MCF2L: variants seen among roughly 807,000 people sequenced by gnomAD.
The protein encoded by MCF2L is MCF.2 cell line derived transforming sequence like.
MCF2L carries 97 observed loss-of-function variants against 153.4 expected under a neutral mutation model. The ratio of observed to expected loss-of-function variants is 0.63; its 90% CI spans 0.54 to 0.75. The LOEUF (loss-of-function observed/expected upper bound fraction) is 0.75. MCF2L is among the 30% of genes least tolerant of loss of function. MCF2L has a pLI of 0.00. For missense variants in MCF2L, 1,347 were observed against 1,495.2 expected (o/e 0.90, Z 1.64); for synonymous variants, 659 against 632.2 (o/e 1.04, Z -0.64).
chr13:112,910,586 G>T (rs1376765821), intron 2 of MCF2L: 2 of 152,208 alleles, frequency 1.3e-5, no homozygotes, highest in Non-Finnish European at 2.9e-5. Context: ...AAAGACTTAA[G>T]ATATGCACCT....
At chr13:113,080,327 G>A (rs189417876) in intron 15 of MCF2L, among the ~76,000 whole-genome samples, 371 of 152,216 alleles carry the variant, frequency 2.4e-3, no homozygotes, top group African/African-American at 8.5e-3. Context: ...AGGGGCGTCC[G>A]CAGGGAGGAG....
At position 112,983,422 on chromosome 13, in the gene MCF2L, G is replaced by C. The variant is rs958940697; in HGVS notation, c.79+13964G>C. Among the ~76,000 whole-genome samples, 1 of 152,168 alleles carries C rather than the reference G, an allele frequency of 6.6e-6. No individual in the cohort carries two copies. The highest frequency in any genetic ancestry group is 2.4e-5 in the African/African-American group (1 of 41,436). On this transcript the variant is annotated intron_variant, in intron 1 of 29. Transcript: ENST00000535094. The surrounding 1 kb of genome is among the most constrained non-coding windows in gnomAD (Gnocchi z 4.0). Reference sequence around the variant, plus strand: ...AGGATGAGCCTCCTCCCTTCTATCCGGCAGGTGGCCTTCTCCAGGCATTGC... The same window carrying C: ...AGGATGAGCCTCCTCCCTTCTATCCCGCAGGTGGCCTTCTCCAGGCATTGC...
chr13:113,088,954 G>A (rs1404606472), intron 25 of MCF2L, among the ~76,000 whole-genome samples: 1 of 152,220 alleles, frequency 6.6e-6, no homozygotes, highest in East Asian at 1.9e-4. Context: ...GGCACTGATG[G>A]CCCAGCACAC....
upstream of MCF2L, chr13:112,968,772 C>T: frequency 7.4e-7 from 1 of 1,354,320 alleles, no homozygotes; most frequent in Non-Finnish European, 9.4e-7. Context: ...TCGCTCGGTC[C>T]ACTCGCGGCT....
chr13:112,939,962 C>A (rs1446881971), intron 2 of MCF2L, among the ~76,000 whole-genome samples: 2 of 145,760 alleles, frequency 1.4e-5, no homozygotes, highest in African/African-American at 5.1e-5. Context: ...TAGTGAGACT[C>A]CATCTCAAAA....
chr13:112,914,419 T>C (rs915515461), intron 2 of MCF2L, among the ~76,000 whole-genome samples: 9 of 152,188 alleles, frequency 5.9e-5, no homozygotes, highest in African/African-American at 1.9e-4. Context: ...TCTCTGCTGA[T>C]GGGCACTACT....
At chr13:112,996,658 T>C (rs3011529) in intron 1 of MCF2L, among the ~76,000 whole-genome samples, 143,420 of 152,248 alleles carry the variant, frequency 0.94, 67,762 homozygotes, top group Non-Finnish European at 0.98. Flanking sequence ...CCCGGGAATG[T>C]CCTTCTTGGA....
chr13:112,990,098 G>A (rs141577368), intron 1 of MCF2L, among the ~76,000 whole-genome samples: 18 of 152,282 alleles, frequency 1.2e-4, no homozygotes, highest in Middle Eastern at 6.8e-3. Context: ...CTCACCTGCC[G>A]CTCACTTCCT....
chr13:113,000,042 T>C (rs2083296816), intron 1 of MCF2L, among the ~76,000 whole-genome samples: 2 of 152,014 alleles, frequency 1.3e-5, no homozygotes, highest in East Asian at 3.9e-4. Flanking sequence ...AGGGCTGAGG[T>C]GCAGGTGGCA....
intron 1 of MCF2L, among the ~76,000 whole-genome samples, chr13:113,003,674 G>T (rs1248054874): frequency 6.6e-6 from 1 of 152,188 alleles, no homozygotes; most frequent in Non-Finnish European, 1.5e-5. Context: ...TCCGTGATCA[G>T]ACCCGGGACC....
At chr13:112,899,288 C>G (rs2081098176) in intron 1 of MCF2L, among the ~76,000 whole-genome samples, 3 of 152,216 alleles carry the variant, frequency 2.0e-5, no homozygotes, top group Admixed American at 1.3e-4. Flanking sequence ...GGGCCTGGCT[C>G]TCGGTCCAGC....
chr13:112,939,211 G>T (rs2081551103), intron 2 of MCF2L, among the ~76,000 whole-genome samples: 1 of 152,170 alleles, frequency 6.6e-6, no homozygotes, highest in Admixed American at 6.5e-5. Flanking sequence ...TCTGAGCAAA[G>T]GAAGGTCAAA....
Position 113,028,537 on chromosome 13 carries a change from G to T in MCF2L, c.278+3779G>T, listed in dbSNP as rs1271335060. On this transcript the variant is annotated intron_variant, in intron 3 of 29. Coordinates refer to ENST00000535094, the MANE Select transcript of MCF2L (RefSeq NM_001112732.3). The surrounding 1 kb of genome is among the most constrained non-coding windows in gnomAD (Gnocchi z 5.4). ...CAGCCTGGTCTGGCTGAAGGTGGCC[G>T]GAGCGCAGGCCCAGTCCCCGCTGTG... is the stretch of plus-strand genomic sequence containing the variant. Among the ~76,000 whole-genome samples the T allele has an allele frequency of 6.6e-6, 1 of 152,224 alleles. No homozygotes were observed. The highest frequency in any genetic ancestry group is 2.1e-4 in the South Asian group (1 of 4,836).
At chr13:113,036,699 T>TTTC (rs10654683) in intron 3 of MCF2L, among the ~76,000 whole-genome samples, 17,588 of 152,258 alleles carry the variant, frequency 0.12, 1,324 homozygotes, top group East Asian at 0.27. Context: ...AGCTCGCGCC[T>TTTC]TTCTTCAGGT....
intron 2 of MCF2L, among the ~76,000 whole-genome samples, chr13:112,961,467 C>T (rs2081825089): frequency 6.6e-6 from 1 of 152,212 alleles, no homozygotes; most frequent in East Asian, 1.9e-4. Flanking sequence ...TCAAGTCTTC[C>T]TCTAAAATCT....
intron 17 of MCF2L, among the ~76,000 whole-genome samples, chr13:113,083,217 C>T (rs1241604886): frequency 6.6e-6 from 1 of 152,178 alleles, no homozygotes; most frequent in East Asian, 1.9e-4. Context: ...TGGAAGGAAC[C>T]CATGTGAGTG....
At chr13:113,080,864 A>G (rs1200273016) in intron 15 of MCF2L, among the ~76,000 whole-genome samples, 1 of 152,154 alleles carries the variant, frequency 6.6e-6, no homozygotes, top group Non-Finnish European at 1.5e-5. Flanking sequence ...GAGTAGGATG[A>G]CTTGCCCATG....
intron 2 of MCF2L, among the ~76,000 whole-genome samples, chr13:112,913,845 A>T (rs531183428): frequency 2.6e-5 from 4 of 152,168 alleles, no homozygotes; most frequent in African/African-American, 4.8e-5. Context: ...CATTTAAAAC[A>T]TTTATTTTTA....
At chr13:112,999,539 G>A (rs1036237057) in intron 1 of MCF2L, among the ~76,000 whole-genome samples, 59 of 152,228 alleles carry the variant, frequency 3.9e-4, no homozygotes, top group Non-Finnish European at 8.8e-5. Flanking sequence ...ATCAGCCGCT[G>A]TACGGCTGGC....
Sources: gnomAD v4.1 joint callset for allele counts (sites outside exome capture counted in the v4.1 genomes callset) on GRCh38, gnomAD v4.1.1 for gene constraint, Gnocchi (gnomAD v3.1) non-coding constraint, MANE v1.5 for transcripts, NCBI Gene and HGNC (gene_info 2026-07-23, HGNC 2026-07-21) for gene names.